Variants in VPS16 observed in about 807,000 individuals in gnomAD.
VPS16 encodes VPS16 core subunit of CORVET and HOPS complexes, also known as vacuolar protein sorting-associated protein 16 homolog.
Under a neutral mutation model 116.0 loss-of-function variants are expected in VPS16, and 82 were observed. The observed-to-expected ratio is 0.71, with a 90% CI of 0.59 to 0.85. VPS16 has a LOEUF of 0.85. Ranked by LOEUF, VPS16 falls within the 40% of genes least tolerant of loss-of-function variation. The pLI is 0.00. For missense variants in VPS16, 928 were observed against 1,090.6 expected, an observed-to-expected ratio of 0.85 and a Z score of 2.10; for synonymous variants, 406 against 420.7, an observed-to-expected ratio of 0.96 and a Z score of 0.43.
chr20:2,866,496 G>A lies in VPS16; in HGVS notation c.2442G>A (p.Leu814=), dbSNP rs779803583. 3.7e-6 allele frequency: 6 copies of A among 1,614,094 alleles called. No individual in the cohort carries two copies. The highest frequency in any genetic ancestry group is 2.2e-5 in the East Asian group (1 of 44,890). Residue 814 remains leucine, a synonymous_variant, in exon 24 of 24, where the codon TTG becomes TTA. Coordinates refer to ENST00000380445, the MANE Select transcript of VPS16 (RefSeq NM_022575.4). ...HRNEAELSLV[L]SHCTGATDGA... Reference sequence around the variant, plus strand: ...ATGAGGCTGAGCTGAGCCTCGTATTGTCCCACTGCACGGGAGCCACAGATG... The same window carrying A: ...ATGAGGCTGAGCTGAGCCTCGTATTATCCCACTGCACGGGAGCCACAGATG...
rs144621348 is a variant in VPS16 at position 2,860,454 on chromosome 20, G to A, written c.375G>A (p.Val125=). The part of the protein sequence containing the change: ...FRRHFSMGNE[V]LQNRVLDARI... ...CCATGGCCCCCTTTCCTCAGGAAGT[G>A]CTCCAGAACCGGGTTCTGGATGCCC... The change falls in exon 5 of 24, where the codon GTG becomes GTA. Residue 125 remains valine, a synonymous_variant. Transcript: ENST00000380445. This position sits in a 1 kb window ranked among gnomAD's most constrained non-coding sequence, Gnocchi z 6.1. The A allele has an allele frequency of 1.7e-3, 2,729 of 1,614,094 alleles. 6 individuals are homozygous for A. The highest frequency in any genetic ancestry group is 2.0e-3 in the Non-Finnish European group (2,340 of 1,180,016).
At position 2,865,851 on chromosome 20, in the gene VPS16, G is replaced by T. The variant is rs2089331215; in HGVS notation, c.2271+356G>T. ...GTGGAGATACTGAGGGCTGTTTTCT[G>T]TGGTGGGTAGTTCAGAGGTGTATAG... is the stretch of plus-strand genomic sequence containing the variant. On this transcript the variant is annotated intron_variant, in intron 22 of 23. Transcript: ENST00000380445. This position sits in a 1 kb window ranked among gnomAD's most constrained non-coding sequence, Gnocchi z 5.2. The T allele has an allele frequency of 1.3e-5, 6 of 456,828 alleles. No homozygotes were observed. Among genetic ancestry groups the T allele is most frequent in the Non-Finnish European group, 2.4e-5 (6 of 251,094 alleles). The allele number at this position is 456,828 out of a possible 1,614,324, so 28.3% of individuals were successfully genotyped here.
chr20:2,849,333 T>C (rs2089093715), intron 1 of VPS16, among the ~76,000 whole-genome samples: 1 of 148,388 alleles, frequency 6.7e-6, no homozygotes, highest in East Asian at 2.0e-4. Flanking sequence ...GGAGTTTTGC[T>C]CTTATTGTCC....
Position 2,863,816 on chromosome 20 carries a change from A to C in VPS16, c.1477-133A>C. 1 of 1,220,584 alleles carries C rather than the reference A, an allele frequency of 8.2e-7. No individual in the cohort carries two copies. Among genetic ancestry groups the C allele is most frequent in the Non-Finnish European group, 1.1e-6 (1 of 921,602 alleles). 75.6% of individuals were successfully genotyped at this position (1,220,584 alleles called of 1,614,324 possible). A position where few individuals can be genotyped will look rare whatever the true frequency, so the allele number is the denominator to read the frequency against. On this transcript the variant is annotated intron_variant, in intron 15 of 23. Coordinates refer to ENST00000380445, the MANE Select transcript of VPS16 (RefSeq NM_022575.4). This position sits in a 1 kb window ranked among gnomAD's most constrained non-coding sequence, Gnocchi z 4.4. ...AGGAGGAGGGAAAGAGAGAGAAAGAAGAAAGAGAGAAAGAAAGAAAGAAGA... is the reference window on the plus strand; with the variant it reads ...AGGAGGAGGGAAAGAGAGAGAAAGACGAAAGAGAGAAAGAAAGAAAGAAGA...
At chr20:2,851,846 C>T (rs763034393) in intron 1 of VPS16, among the ~76,000 whole-genome samples, 12 of 152,086 alleles carry the variant, frequency 7.9e-5, no homozygotes, top group Non-Finnish European at 1.8e-4. Context: ...TGGCAGGCTC[C>T]TGTAGTCTCA....
chr20:2,863,105 G>C lies in VPS16; in HGVS notation c.1367+5G>C. On this transcript the variant is annotated splice_donor_5th_base_variant and intron_variant, in intron 14 of 23. Transcript: ENST00000380445. This position sits in a 1 kb window ranked among gnomAD's most constrained non-coding sequence, Gnocchi z 4.4. ...CATCCAGGTGCTGCTGGACAGGTAG[G>C]GTAAGCCCAAGGGTGCAGTGAGCGG... 4 of 1,613,944 alleles carry C rather than the reference G, an allele frequency of 2.5e-6. No homozygotes were observed. The highest frequency in any genetic ancestry group is 2.5e-6 in the Non-Finnish European group (3 of 1,180,014).
Position 2,863,383 on chromosome 20 carries a change from C to T in VPS16, c.1461C>T (p.His487=), listed in dbSNP as rs148663685. 382 of 1,614,132 alleles carry T rather than the reference C, an allele frequency of 2.4e-4. 2 individuals carry two copies. The African/African-American group carries it at 4.5e-3, about 19-fold the overall frequency. Reference sequence around the variant, plus strand: ...AGGGCGTCAGCAGGATCCTGGCCCACTGGGCCTGCTACAAGGCAAGGATGT... The same window carrying T: ...AGGGCGTCAGCAGGATCCTGGCCCATTGGGCCTGCTACAAGGCAAGGATGT... ...EVQGVSRILA[H]WACYKVQQKD... is the part of the protein sequence containing the mutation. The change falls in exon 15 of 24, where the codon CAC becomes CAT. Residue 487 remains histidine, a synonymous_variant. Transcript: ENST00000380445. This position sits in a 1 kb window ranked among gnomAD's most constrained non-coding sequence, Gnocchi z 4.4.
At chr20:2,852,841 G>T (rs1048812533) in intron 1 of VPS16, among the ~76,000 whole-genome samples, 5 of 152,200 alleles carry the variant, frequency 3.3e-5, no homozygotes, top group African/African-American at 1.2e-4. Flanking sequence ...CTGAGTTGTG[G>T]TTGCTGAAGG....
Position 2,866,401 on chromosome 20 carries a change from C to T in VPS16, c.2376-29C>T, listed in dbSNP as rs371971273. ...GGTTTGTGCCCTTGAGCAGCCCCAA[C>T]ACCACCTCCTCTCTTGCTCAAACCA... On this transcript the variant is annotated intron_variant, in intron 23 of 23. Coordinates refer to ENST00000380445, the MANE Select transcript of VPS16 (RefSeq NM_022575.4). The T allele has an allele frequency of 5.0e-6, 8 of 1,613,992 alleles. No homozygotes were observed. The African/African-American group carries it at 8.0e-5, about 16-fold the overall frequency.
chr20:2,853,588 A>G (rs2089142843), intron 1 of VPS16, among the ~76,000 whole-genome samples: 1 of 152,202 alleles, frequency 6.6e-6, no homozygotes, highest in African/African-American at 2.4e-5. Context: ...AAAGTCATCC[A>G]TGAGGATTGG....
rs756744436 is a variant in VPS16 at position 2,863,328 on chromosome 20, T to C, written c.1406T>C (p.Ile469Thr). Residue 469 changes from isoleucine (I) to threonine (T), a missense_variant, in exon 15 of 24, where the codon ATA becomes ACA. Coordinates refer to ENST00000380445, the MANE Select transcript of VPS16 (RefSeq NM_022575.4). The surrounding 1 kb of genome is among the most constrained non-coding windows in gnomAD (Gnocchi z 4.4). Reference protein sequence around the residue: ...LRRLYPLAIQICEYLRLPEVQ... With the variant: ...LRRLYPLAIQTCEYLRLPEVQ... ...AGACTTTACCCCCTGGCCATCCAGA[T>C]ATGCGAGTACTTGCGCCTTCCTGAA... is the stretch of plus-strand genomic sequence containing the variant. 3.1e-6 allele frequency: 5 copies of C among 1,614,082 alleles called. No individual in the cohort carries two copies. In the African/African-American group the frequency reaches 5.3e-5, roughly 17 times the overall value.
intron 1 of VPS16, among the ~76,000 whole-genome samples, chr20:2,855,502 AAG>A (rs56686954): frequency 0.51 from 77,405 of 151,836 alleles, 22,507 homozygotes; most frequent in African/African-American, 0.78. Context: ...AGGCCCCAAC[AAG>A]AGTGTCAGCC....
In VPS16 at chr20:2,865,002, C is replaced by G; in HGVS notation, c.1951C>G (p.Leu651Val). 2 of 1,614,198 alleles carry G rather than the reference C, an allele frequency of 1.2e-6. No homozygotes were observed. The highest frequency in any genetic ancestry group is 1.7e-6 in the Non-Finnish European group (2 of 1,180,034). The change falls in exon 20 of 24, where the codon CTG (leucine) becomes GTG (valine). Residue 651 changes from leucine (L) to valine (V), a missense_variant. Coordinates refer to ENST00000380445, the MANE Select transcript of VPS16 (RefSeq NM_022575.4). This position sits in a 1 kb window ranked among gnomAD's most constrained non-coding sequence, Gnocchi z 5.2. ...GCGTATTGAGGGGCGAGTAGCAGCT[C>G]TGCAGACAGCCGCCGATGCCTTCTA... is the stretch of plus-strand genomic sequence containing the variant. ...EERIEGRVAA[L>V]QTAADAFYKA...
intron 1 of VPS16, among the ~76,000 whole-genome samples, chr20:2,845,094 A>G (rs925145776): frequency 1.1e-4 from 16 of 151,866 alleles, no homozygotes; most frequent in Non-Finnish European, 1.5e-4. Flanking sequence ...AGGAACAAGC[A>G]AAATGGAAGC....
rs570859516 is a variant in VPS16 at position 2,857,723 on chromosome 20, T to C, written c.54-1996T>C. On this transcript the variant is annotated intron_variant, in intron 1 of 23. Coordinates refer to ENST00000380445, the MANE Select transcript of VPS16 (RefSeq NM_022575.4). ...TTTATTTATTTGTTTATTTATTTAT[T>C]TGTTGAGATAGAGTTTTGCTCTTGC... Among the ~76,000 whole-genome samples, 8 of 152,172 alleles carry C rather than the reference T, an allele frequency of 5.3e-5. No individual in the cohort carries two copies. The South Asian group carries it at 1.7e-3, about 32-fold the overall frequency.
intron 1 of VPS16, among the ~76,000 whole-genome samples, chr20:2,855,910 G>C (rs1479387437): frequency 1.3e-5 from 2 of 152,156 alleles, no homozygotes; most frequent in Non-Finnish European, 2.9e-5. Context: ...CTCCTTACCC[G>C]CAAAAAGGCT....
intron 1 of VPS16, among the ~76,000 whole-genome samples, chr20:2,856,250 C>T (rs1442718913): frequency 6.6e-6 from 1 of 152,134 alleles, no homozygotes; most frequent in African/African-American, 2.4e-5. Context: ...GCAGTCAGAA[C>T]ACATACAACA....
At chr20:2,854,978 T>TTTTTTTGA (rs2089158797) in intron 1 of VPS16, among the ~76,000 whole-genome samples, 1 of 146,782 alleles carries the variant, frequency 6.8e-6, no homozygotes. Flanking sequence ...TTTTTTTTTT[T>TTTTTTTGA]GAGATGGAAT....
chr20:2,851,696 G>A (rs542020855), intron 1 of VPS16, among the ~76,000 whole-genome samples: 5 of 151,104 alleles, frequency 3.3e-5, no homozygotes, highest in South Asian at 2.1e-4. Flanking sequence ...CAGGCTGGGC[G>A]AGGTGGCTCA....
Sources: allele counts gnomAD v4.1 joint callset (sites outside exome capture counted in the v4.1 genomes callset), GRCh38; gene constraint gnomAD v4.1.1; non-coding constraint Gnocchi (gnomAD v3.1); transcripts MANE v1.5; gene names NCBI Gene and HGNC (gene_info 2026-07-23, HGNC 2026-07-21).